SKAP1: variants seen among roughly 807,000 people sequenced by gnomAD.
SKAP1 encodes the protein src kinase-associated phosphoprotein 1.
A neutral mutation model predicts 58.5 loss-of-function variants in SKAP1; 44 were observed. That is an observed-to-expected ratio of 0.75 (90% confidence interval 0.59 to 0.97). The LOEUF (loss-of-function observed/expected upper bound fraction) is 0.97, where lower values mean the gene tolerates loss of function less well. Ranked by LOEUF, SKAP1 falls within the 50% of genes least tolerant of loss-of-function variation. The pLI is 0.00. For missense variants in SKAP1, 390 were observed against 435.2 expected (o/e 0.90, Z 0.92); for synonymous variants, 127 against 149.7 (o/e 0.85, Z 1.11).
At chr17:48,416,065 G>T (rs1037518605) in intron 1 of SKAP1, among the ~76,000 whole-genome samples, 1 of 152,144 alleles carries the variant, frequency 6.6e-6, no homozygotes, top group Non-Finnish European at 1.5e-5. Context: ...TAAAAACACG[G>T]TCCTTTTTCC....
chr17:48,378,894 G>A (rs1419018926), intron 2 of SKAP1, among the ~76,000 whole-genome samples: 1 of 152,170 alleles, frequency 6.6e-6, no homozygotes, highest in East Asian at 1.9e-4. Context: ...CAGTATAAGA[G>A]AGCATTTCAG....
intron 3 of SKAP1, among the ~76,000 whole-genome samples, chr17:48,358,951 C>A (rs1203597710): frequency 6.6e-6 from 1 of 152,042 alleles, no homozygotes; most frequent in Non-Finnish European, 1.5e-5. Context: ...GATTTCAAAG[C>A]TTAGGCTCTT....
At chr17:48,173,681 C>G (rs1049724054) in intron 9 of SKAP1, among the ~76,000 whole-genome samples, 1 of 152,156 alleles carries the variant, frequency 6.6e-6, no homozygotes, top group Non-Finnish European at 1.5e-5. Flanking sequence ...TTTATTCTAC[C>G]TCTGCTGTCT....
upstream of SKAP1, chr17:48,430,217 C>G (rs2067901299): frequency 3.8e-6 from 4 of 1,055,060 alleles, no homozygotes; most frequent in South Asian, 1.9e-4. Flanking sequence ...GCACCTGTAC[C>G]TCAGCCGCGG....
chr17:48,430,772 C>G (rs529177379), upstream of SKAP1, among the ~76,000 whole-genome samples: 2 of 152,234 alleles, frequency 1.3e-5, no homozygotes, highest in Non-Finnish European at 2.9e-5. Flanking sequence ...GGAAACCAAA[C>G]TGTGCTGTTC....
At chr17:48,236,253 CTG>C (rs2065179170) in intron 4 of SKAP1, among the ~76,000 whole-genome samples, 1 of 152,120 alleles carries the variant, frequency 6.6e-6, no homozygotes, top group Non-Finnish European at 1.5e-5. Flanking sequence ...AAAATAACTG[CTG>C]TGAAGGAACT....
intron 4 of SKAP1, among the ~76,000 whole-genome samples, chr17:48,272,929 G>T (rs1411438489): frequency 6.6e-6 from 1 of 152,146 alleles, no homozygotes; most frequent in Non-Finnish European, 1.5e-5. Flanking sequence ...GGGACACTGG[G>T]AATGACTTCT....
At chr17:48,395,462 C>T (rs955455149) in intron 2 of SKAP1, among the ~76,000 whole-genome samples, 2 of 152,006 alleles carry the variant, frequency 1.3e-5, no homozygotes, top group African/African-American at 2.4e-5. Flanking sequence ...CCGCAAGCCA[C>T]CCTTAGAGTA....
At chr17:48,390,745 A>G (rs778591118) in intron 2 of SKAP1, among the ~76,000 whole-genome samples, 2 of 152,184 alleles carry the variant, frequency 1.3e-5, no homozygotes, top group Non-Finnish European at 2.9e-5. Context: ...AGAATTATAC[A>G]TGATCTAGTT....
At chr17:48,441,911 C>T in the SKAP1 span, among the ~76,000 whole-genome samples, 1 of 152,124 alleles carries the variant, frequency 6.6e-6, no homozygotes, top group Non-Finnish European at 1.5e-5. Flanking sequence ...ACTCCATGAT[C>T]TCGAAAGGTG....
intron 2 of SKAP1, 120 bp from the exon 3 acceptor site, chr17:48,363,934 A>C: frequency 1.7e-6 from 1 of 593,350 alleles, no homozygotes; most frequent in African/African-American, 1.9e-5. Flanking sequence ...TAACCAGCCA[A>C]AGTCACTACT....
In SKAP1 at chr17:48,189,495, C is replaced by T. The variant is rs746940081; in HGVS notation, c.286G>A (p.Glu96Lys). The T allele has an allele frequency of 4.5e-5, 73 of 1,611,072 alleles. 1 individual carries two copies. The South Asian group carries it at 7.6e-4, about 17-fold the overall frequency. The stretch of plus-strand genomic sequence containing the variant: ...TCTTGAGCTCCTTTTACGATGTCTT[C>T]CATTCCTAAAAGGACCAATGGCAAA... ...FLSDYQDEGM[E>K]DIVKGAQELD... Residue 96 changes from glutamate (E) to lysine (K), a missense_variant, in exon 5 of 13, where the codon GAA (glutamate) becomes AAA (lysine). Glu to Lys is a moderately conservative substitution (Grantham distance 56). Transcript: ENST00000336915.
At chr17:48,186,362 T>C (rs1020087177) in intron 6 of SKAP1, among the ~76,000 whole-genome samples, 2 of 152,300 alleles carry the variant, frequency 1.3e-5, no homozygotes, top group East Asian at 3.9e-4. Flanking sequence ...TGGTGAAAGG[T>C]AGGCAAAGGT....
At position 48,290,092 on chromosome 17, in the gene SKAP1, T is replaced by G. The variant is rs575470915; in HGVS notation, c.280+55813A>C. Among the ~76,000 whole-genome samples the G allele has an allele frequency of 9.2e-4, 140 of 152,316 alleles. 2 individuals are homozygous for G. The highest frequency in any genetic ancestry group is 3.2e-3 in the African/African-American group (135 of 41,576). On this transcript the variant is annotated intron_variant, in intron 4 of 12. Coordinates refer to ENST00000336915, the MANE Select transcript of SKAP1 (RefSeq NM_003726.4). ...GATCTCAAAATTTTGAGGCACATTC[T>G]CTATTTTAGATACTTGAAAAATCTG... is the stretch of plus-strand genomic sequence containing the variant.
At chr17:48,346,035 G>T in intron 3 of SKAP1, 29 bp from the exon 4 acceptor site, 1 of 1,400,338 alleles carries the variant, frequency 7.1e-7, no homozygotes, top group East Asian at 2.4e-5. Context: ...AGAAAATAAG[G>T]TTAATCTTTG....
At chr17:48,139,857 T>A (rs141799344) in intron 11 of SKAP1, among the ~76,000 whole-genome samples, 12 of 152,206 alleles carry the variant, frequency 7.9e-5, no homozygotes, top group African/African-American at 2.9e-4. Context: ...CCCATTAAAG[T>A]CGGGGAAGCA....
intron 1 of SKAP1, among the ~76,000 whole-genome samples, chr17:48,406,292 A>G (rs191306588): frequency 2.7e-5 from 4 of 148,930 alleles, no homozygotes; most frequent in African/African-American, 9.8e-5. Flanking sequence ...AAAAACAACA[A>G]CAAAAGCAGC....
At position 48,252,756 on chromosome 17, in the gene SKAP1, A is replaced by G. The variant is rs72825595; in HGVS notation, c.281-63256T>C. ...TGTGTGTGTGTGTGTGTGTGTGTGTATGTGCTCATGTGTGTACAGATCCAG... is the reference window on the plus strand; with the variant it reads ...TGTGTGTGTGTGTGTGTGTGTGTGTGTGTGCTCATGTGTGTACAGATCCAG... On this transcript the variant is annotated intron_variant, in intron 4 of 12. Coordinates refer to ENST00000336915, the MANE Select transcript of SKAP1 (RefSeq NM_003726.4). Among the ~76,000 whole-genome samples the G allele has an allele frequency of 5.9e-3, 461 of 78,288 alleles. 1 individual carries two copies. Among genetic ancestry groups the G allele is most frequent in the East Asian group, 0.023 (32 of 1,384 alleles). 51.4% of individuals were successfully genotyped at this position (78,288 alleles called of 152,430 possible).
intron 2 of SKAP1, among the ~76,000 whole-genome samples, chr17:48,385,510 C>A (rs566574994): frequency 3.9e-5 from 6 of 152,048 alleles, no homozygotes; most frequent in Non-Finnish European, 7.4e-5. Context: ...AAGATAACAA[C>A]TATGAGCCAA....
Sources: gnomAD v4.1 joint callset for allele counts (sites outside exome capture counted in the v4.1 genomes callset) on GRCh38, gnomAD v4.1.1 for gene constraint, MANE v1.5 for transcripts, NCBI Gene and HGNC (gene_info 2026-07-23, HGNC 2026-07-21) for gene names.